WIPI2: variants seen among roughly 807,000 people sequenced by gnomAD.
WIPI2 encodes the protein WD repeat domain, phosphoinositide interacting 2.
WIPI2 carries 28 observed loss-of-function variants against 52.3 expected under a neutral mutation model. The ratio of observed to expected loss-of-function variants is 0.54; its 90% CI spans 0.40 to 0.73. The LOEUF (loss-of-function observed/expected upper bound fraction) is 0.73, where lower values mean the gene tolerates loss of function less well. Among genes scored for constraint, WIPI2 ranks in the 30% least tolerant of loss-of-function variants. WIPI2 has a pLI of 0.00. For missense variants in WIPI2, 506 were observed against 602.9 expected (o/e 0.84, Z 1.68); for synonymous variants, 268 against 245.0 (o/e 1.09, Z -0.88).
In WIPI2 at chr7:5,200,436, C is replaced by T. The variant is rs80212283; in HGVS notation, c.211+778C>T. 4.3e-3 allele frequency among the ~76,000 whole-genome samples: 658 copies of T among 152,314 alleles called. 4 individuals are homozygous for T. Among genetic ancestry groups the T allele is most frequent in the African/African-American group, 0.015 (627 of 41,570 alleles). On this transcript the variant is annotated intron_variant, in intron 3 of 12. Transcript: ENST00000288828. ...CTTTACCCTGTTCTTCCCAGTGTAA[C>T]ATCTCGCAAAGCCCCAGTGTAATAT...
chr7:5,195,222 C>T (rs1189044420), intron 2 of WIPI2, among the ~76,000 whole-genome samples: 3 of 152,202 alleles, frequency 2.0e-5, no homozygotes, highest in African/African-American at 7.2e-5. Context: ...CACAGTGGCT[C>T]ACGCCTGTAA....
At chr7:5,215,040 G>T (rs1782745505) in intron 4 of WIPI2, among the ~76,000 whole-genome samples, 1 of 152,262 alleles carries the variant, frequency 6.6e-6, no homozygotes, top group South Asian at 2.1e-4. Flanking sequence ...GCCGAGCACA[G>T]TGGCTCACGC....
intron 7 of WIPI2, chr7:5,218,983 C>T (rs1288993338): frequency 2.6e-5 from 4 of 152,206 alleles, no homozygotes; most frequent in African/African-American, 9.7e-5. Flanking sequence ...TCTCTCCCCT[C>T]AAACTATTGA....
rs1783707022 is a variant in WIPI2, at chr7:5,231,148, C to T, written c.*201C>T. ...TTTTCACTTCAGTGGCTTTTAAATC[C>T]TGCTTATGAATTTTAGCTTTTTGTT... On this transcript the variant is annotated 3_prime_UTR_variant, in exon 13 of 13. Coordinates refer to ENST00000288828, the MANE Select transcript of WIPI2 (RefSeq NM_015610.4). The T allele has an allele frequency of 2.4e-6, 1 of 421,594 alleles. No homozygotes were observed. Among genetic ancestry groups the T allele is most frequent in the East Asian group, 3.6e-5 (1 of 28,076 alleles). 26.1% of individuals were successfully genotyped at this position (421,594 alleles called of 1,614,324 possible).
chr7:5,230,987 T>A lies in WIPI2; in HGVS notation c.*40T>A, dbSNP rs771074047. 1.9e-6 allele frequency: 3 copies of A among 1,560,268 alleles called. No homozygotes were observed. Among genetic ancestry groups the A allele is most frequent in the Non-Finnish European group, 2.6e-6 (3 of 1,142,572 alleles). ...CTCTGACCCGGGGAGCAGAGAACAC[T>A]GGCTTCACAGAGGACTTTGTGCATT... On this transcript the variant is annotated 3_prime_UTR_variant, in exon 13 of 13. Transcript: ENST00000288828. This position sits in a 1 kb window ranked among gnomAD's most constrained non-coding sequence, Gnocchi z 4.8.
chr7:5,210,609 T>C (rs1228143549), intron 3 of WIPI2, among the ~76,000 whole-genome samples: 1 of 152,260 alleles, frequency 6.6e-6, no homozygotes, highest in Non-Finnish European at 1.5e-5. Flanking sequence ...GTGTAGGATC[T>C]GCTGTTTGTG....
chr7:5,200,026 G>A (rs1229668011), intron 3 of WIPI2, among the ~76,000 whole-genome samples: 1 of 152,186 alleles, frequency 6.6e-6, no homozygotes, highest in East Asian at 1.9e-4. Context: ...GCCCCTGTAG[G>A]AACAATTTAT....
At chr7:5,209,175 T>C (rs1782439321) in intron 3 of WIPI2, among the ~76,000 whole-genome samples, 1 of 152,212 alleles carries the variant, frequency 6.6e-6, no homozygotes, top group Non-Finnish European at 1.5e-5. Flanking sequence ...ATTTTAATCT[T>C]GTATCCTATG....
At position 5,197,846 on chromosome 7, in the gene WIPI2, G is replaced by A. The variant is rs571182950; in HGVS notation, c.129-1730G>A. ...TCTCCCAGATGTTAAAAGTGATCCT[G>A]GTATCTGATTCCTCTGTACCCCGGT... On this transcript the variant is annotated intron_variant, in intron 2 of 12. Coordinates refer to ENST00000288828, the MANE Select transcript of WIPI2 (RefSeq NM_015610.4). 1.2e-3 allele frequency among the ~76,000 whole-genome samples: 177 copies of A among 152,214 alleles called. 1 individual carries two copies. The highest frequency in any genetic ancestry group is 3.9e-3 in the African/African-American group (163 of 41,508).
chr7:5,229,767 T>C (rs1216902150), intron 12 of WIPI2, 29 bp downstream of exon 12: 4 of 1,612,278 alleles, frequency 2.5e-6, no homozygotes, highest in Middle Eastern at 3.3e-4. Flanking sequence ...ACCTGGAAGG[T>C]AATTAGCCCC....
Position 5,228,192 on chromosome 7 carries a change from G to A in WIPI2, c.1102G>A (p.Ala368Thr). 1 of 1,613,362 alleles carries A rather than the reference G, an allele frequency of 6.2e-7. No individual in the cohort carries two copies. The highest frequency in any genetic ancestry group is 8.5e-7 in the Non-Finnish European group (1 of 1,179,900). Residue 368 changes from alanine to threonine, a missense_variant, in exon 11 of 13, where the codon GCC (alanine) becomes ACC (threonine). Transcript: ENST00000288828. ...GGACCCCCAGGAGGGCGGCGAGTGT[G>A]CCCTGATGAAGCAGCACCGGTGAGT... ...NLDPQEGGEC[A>T]LMKQHRLDGS...
intron 3 of WIPI2, among the ~76,000 whole-genome samples, chr7:5,201,080 C>T (rs1233750505): frequency 1.3e-5 from 2 of 152,252 alleles, no homozygotes; most frequent in Non-Finnish European, 2.9e-5. Flanking sequence ...ATCCCAGGCG[C>T]CGCCCGCCTT....
intron 3 of WIPI2, among the ~76,000 whole-genome samples, chr7:5,211,093 G>A (rs1023118948): frequency 6.6e-6 from 1 of 152,172 alleles, no homozygotes; most frequent in Non-Finnish European, 1.5e-5. Context: ...CCAGGAAAAG[G>A]ACAGTTGTTT....
At chr7:5,229,434 C>A (rs953044654) in intron 11 of WIPI2, 174 bp from the exon 12 acceptor site, 9 of 644,374 alleles carry the variant, frequency 1.4e-5, no homozygotes, top group Non-Finnish European at 2.0e-5. Flanking sequence ...TAAAACTCTT[C>A]ATGTAAAAAC....
At chr7:5,197,745 T>G (rs147308102) in intron 2 of WIPI2, among the ~76,000 whole-genome samples, 2 of 152,348 alleles carry the variant, frequency 1.3e-5, no homozygotes, top group African/African-American at 4.8e-5. Flanking sequence ...TGATCCTATC[T>G]TGGGGTACAA....
At chr7:5,192,412 A>G (rs1375368109) in intron 1 of WIPI2, among the ~76,000 whole-genome samples, 1 of 152,228 alleles carries the variant, frequency 6.6e-6, no homozygotes, top group Non-Finnish European at 1.5e-5. Context: ...TATTTCTATC[A>G]GAATGAAATC....
At chr7:5,195,691 T>C (rs1411667690) in intron 2 of WIPI2, among the ~76,000 whole-genome samples, 1 of 152,206 alleles carries the variant, frequency 6.6e-6, no homozygotes, top group Non-Finnish European at 1.5e-5. Flanking sequence ...TTGAACTTGA[T>C]TGTTGATGTT....
intron 2 of WIPI2, among the ~76,000 whole-genome samples, chr7:5,193,528 A>C (rs550237194): frequency 6.6e-6 from 1 of 152,222 alleles, no homozygotes; most frequent in East Asian, 1.9e-4. Flanking sequence ...TTGTGCTGGG[A>C]AGGTACTGCT....
At chr7:5,195,587 C>G (rs1781709823) in intron 2 of WIPI2, among the ~76,000 whole-genome samples, 1 of 152,240 alleles carries the variant, frequency 6.6e-6, no homozygotes, top group Admixed American at 6.5e-5. Flanking sequence ...AAATCTCCTA[C>G]TTACCTGTTG....
Sources: gnomAD v4.1 joint callset for allele counts (sites outside exome capture counted in the v4.1 genomes callset) on GRCh38, gnomAD v4.1.1 for gene constraint, Gnocchi (gnomAD v3.1) non-coding constraint, MANE v1.5 for transcripts, NCBI Gene and HGNC (gene_info 2026-07-23, HGNC 2026-07-21) for gene names.